The following EVI5 variants were observed in gnomAD, a reference collection of about 807,000 sequenced individuals.
The protein encoded by EVI5 is ecotropic viral integration site 5.
Under a neutral mutation model 112.0 loss-of-function variants are expected in EVI5, and 73 were observed. The observed-to-expected ratio is 0.65, with a 90% CI of 0.54 to 0.79. The LOEUF (loss-of-function observed/expected upper bound fraction) is 0.79, where lower values mean the gene tolerates loss of function less well. EVI5 is among the 30% of genes least tolerant of loss of function. The probability of loss-of-function intolerance (pLI) is 0.00; values close to 1 mark genes in which losing one functional copy is unlikely to be tolerated. For missense variants in EVI5, 900 were observed against 968.8 expected, an observed-to-expected ratio of 0.93 and a Z score of 0.94; for synonymous variants, 305 against 319.9, an observed-to-expected ratio of 0.95 and a Z score of 0.50.
At chr1:92,752,565 G>A (rs779534337) in intron 1 of EVI5, among the ~76,000 whole-genome samples, 24 of 152,072 alleles carry the variant, frequency 1.6e-4, no homozygotes, top group African/African-American at 3.1e-4. Context: ...AGGACCAATC[G>A]GAGTGCTAAG....
intron 1 of EVI5, among the ~76,000 whole-genome samples, chr1:92,742,631 C>T (rs1678594991): frequency 6.6e-6 from 1 of 151,796 alleles, no homozygotes. Flanking sequence ...CGAGACAGTG[C>T]CATTGCACTC....
chr1:92,725,770 A>G (rs1039732274), intron 2 of EVI5, among the ~76,000 whole-genome samples: 3 of 152,008 alleles, frequency 2.0e-5, no homozygotes, highest in Non-Finnish European at 2.9e-5. Context: ...AGCATAACCA[A>G]TAATGAGGTG....
At position 92,605,401 on chromosome 1, in the gene EVI5, T is replaced by G; in HGVS notation, c.1976A>C (p.Asn659Thr). The change falls in exon 18 of 20, where the codon AAT (asparagine) becomes ACT (threonine). Residue 659 changes from asparagine (N) to threonine (T), a missense_variant and splice_region_variant. Coordinates refer to ENST00000684568, the MANE Select transcript of EVI5 (RefSeq NM_001350197.2). ...CCTCACAGCCATCACTTCTTCCTTA[T>G]TCTAGTGTGGTAAACCAAACCGAAA... is the stretch of plus-strand genomic sequence containing the variant. Reference protein sequence around the residue: ...KRKQAEIECKNKEEVMAVRLR... With the variant: ...KRKQAEIECKTKEEVMAVRLR... The G allele has an allele frequency of 6.2e-7, 1 of 1,607,344 alleles. No individual in the cohort carries two copies. The highest frequency in any genetic ancestry group is 8.5e-7 in the Non-Finnish European group (1 of 1,174,396).
rs978338019 is a variant in EVI5, at chr1:92,530,332, C to G, written c.2167-16362G>C. On this transcript the variant is annotated intron_variant, in intron 19 of 19. Coordinates refer to ENST00000684568, the MANE Select transcript of EVI5 (RefSeq NM_001350197.2). ...CCCTCACCTCCCTGGGACGAAGCAC[C>G]TGGGGGAAGGGGCGGTTGGGGGCAC... 5.9e-5 allele frequency among the ~76,000 whole-genome samples: 9 copies of G among 152,238 alleles called. 1 individual carries two copies. Among genetic ancestry groups the G allele is most frequent in the Admixed American group, 3.9e-4 (6 of 15,296 alleles).
At chr1:92,738,487 A>G (rs1450535856) in intron 1 of EVI5, among the ~76,000 whole-genome samples, 1 of 152,168 alleles carries the variant, frequency 6.6e-6, no homozygotes, top group Non-Finnish European at 1.5e-5. Flanking sequence ...TCCCCTACTC[A>G]GTAAGTTAAT....
At chr1:92,706,158 A>T (rs1378237366) in intron 2 of EVI5, among the ~76,000 whole-genome samples, 1 of 152,122 alleles carries the variant, frequency 6.6e-6, no homozygotes, top group Non-Finnish European at 1.5e-5. Context: ...AACATACCAA[A>T]CAGCCAAAGT....
chr1:92,662,943 T>C (rs1664266304), intron 12 of EVI5, 78 bp from the exon 13 acceptor site: 6 of 725,446 alleles, frequency 8.3e-6, no homozygotes, highest in Non-Finnish European at 1.0e-5. Context: ...GTTTAGTTAT[T>C]TACTTTGACA....
At position 92,725,164 on chromosome 1, in the gene EVI5, G is replaced by A. The variant is rs770279285; in HGVS notation, c.149+11234C>T. Among the ~76,000 whole-genome samples, 9 of 152,130 alleles carry A rather than the reference G, an allele frequency of 5.9e-5. 1 individual carries two copies. Among genetic ancestry groups the A allele is most frequent in the Admixed American group, 2.0e-4 (3 of 15,278 alleles). On this transcript the variant is annotated intron_variant, in intron 2 of 19. Transcript: ENST00000684568. ...TCCATCAAATATTCAGCTGGGAACT[G>A]ATCAATGCATTCATGTAAGGAAACT...
chr1:92,595,996 C>G (rs1647729157), intron 18 of EVI5, among the ~76,000 whole-genome samples: 1 of 152,052 alleles, frequency 6.6e-6, no homozygotes. Context: ...GGTTTTCATA[C>G]AAACAACAAA....
chr1:92,688,581 G>A (rs1278138323), intron 9 of EVI5, among the ~76,000 whole-genome samples: 1 of 151,850 alleles, frequency 6.6e-6, no homozygotes, highest in Non-Finnish European at 1.5e-5. Context: ...TAAAGTGGGA[G>A]AAGGCATGCT....
intron 16 of EVI5, among the ~76,000 whole-genome samples, chr1:92,620,565 T>C (rs1036334850): frequency 2.0e-5 from 3 of 151,872 alleles, no homozygotes; most frequent in African/African-American, 7.3e-5. Context: ...AAAATAAGAA[T>C]TACAACAGAA....
chr1:92,600,508 A>G (rs1350149892), intron 18 of EVI5, among the ~76,000 whole-genome samples: 1 of 152,230 alleles, frequency 6.6e-6, no homozygotes, highest in Non-Finnish European at 1.5e-5. Context: ...GAGATAAATT[A>G]TGATTCACTG....
intron 1 of EVI5, chr1:92,756,556 C>A: frequency 1.9e-6 from 1 of 518,214 alleles, no homozygotes; most frequent in South Asian, 1.4e-5. Flanking sequence ...ATTGACTGCT[C>A]ATGATAATGA....
intron 1 of EVI5, among the ~76,000 whole-genome samples, chr1:92,760,953 A>G (rs1681750514): frequency 6.9e-6 from 1 of 145,746 alleles, no homozygotes; most frequent in African/African-American, 2.6e-5. Context: ...AGCTACTCAG[A>G]AGGCTGAGGC....
chr1:92,673,009 A>C (rs1666123879), intron 10 of EVI5, among the ~76,000 whole-genome samples: 1 of 152,182 alleles, frequency 6.6e-6, no homozygotes, highest in Admixed American at 6.5e-5. Context: ...TCTGAAGCCT[A>C]ATTTCTTCAC....
At chr1:92,726,449 G>C (rs1285921956) in intron 2 of EVI5, among the ~76,000 whole-genome samples, 3 of 152,070 alleles carry the variant, frequency 2.0e-5, no homozygotes, top group Admixed American at 1.3e-4. Context: ...CTATTAAATA[G>C]AATTCTATAG....
At chr1:92,747,609 G>C (rs1382791624) in intron 1 of EVI5, among the ~76,000 whole-genome samples, 1 of 151,442 alleles carries the variant, frequency 6.6e-6, no homozygotes, top group Non-Finnish European at 1.5e-5. Context: ...AGCTACTTGA[G>C]AGGCTGAGAC....
At chr1:92,524,357 C>G (rs1661492368) in intron 19 of EVI5, among the ~76,000 whole-genome samples, 1 of 152,142 alleles carries the variant, frequency 6.6e-6, no homozygotes, top group Non-Finnish European at 1.5e-5. Flanking sequence ...TGTAAAGATT[C>G]CTTGTTAATT....
chr1:92,535,449 A>T lies in EVI5; in HGVS notation c.2167-21479T>A, dbSNP rs539953617. 2.6e-5 allele frequency among the ~76,000 whole-genome samples: 4 copies of T among 152,310 alleles called. No homozygotes were observed. In the East Asian group the frequency reaches 5.8e-4, roughly 22 times the overall value. ...TTATAAATCATTCTACTATAAAGACACATGCACACACATGTTTACTGCGGC... is the reference window on the plus strand; with the variant it reads ...TTATAAATCATTCTACTATAAAGACTCATGCACACACATGTTTACTGCGGC... On this transcript the variant is annotated intron_variant, in intron 19 of 19. Coordinates refer to ENST00000684568, the MANE Select transcript of EVI5 (RefSeq NM_001350197.2).
Sources: gnomAD v4.1 joint callset for allele counts (sites outside exome capture counted in the v4.1 genomes callset) on GRCh38, gnomAD v4.1.1 for gene constraint, MANE v1.5 for transcripts, NCBI Gene and HGNC (gene_info 2026-07-23, HGNC 2026-07-21) for gene names.